The following MEF2C variants were observed in gnomAD, a reference collection of about 807,000 sequenced individuals.
MEF2C encodes the protein myocyte-specific enhancer factor 2C.
Under a neutral mutation model 50.5 loss-of-function variants are expected in MEF2C, and 6 were observed. That is an observed-to-expected ratio of 0.12 (90% CI 0.07 to 0.23). MEF2C has a LOEUF of 0.23. MEF2C is among the 10% of genes least tolerant of loss of function. The pLI, the probability that MEF2C is intolerant of heterozygous loss-of-function variation, is 1.00. For missense variants in MEF2C, 276 were observed against 605.0 expected, an observed-to-expected ratio of 0.46 and a Z score of 5.70; for synonymous variants, 183 against 228.0, an observed-to-expected ratio of 0.80 and a Z score of 1.78.
At chr5:88,737,264 A>G (rs1267644243) in intron 6 of MEF2C, 2 of 985,266 alleles carry the variant, frequency 2.0e-6, no homozygotes, top group African/African-American at 3.5e-5. Context: ...CAAGTACACT[A>G]TTGAGACAAA....
At position 88,730,254 on chromosome 5, in the gene MEF2C, G is replaced by T. The variant is rs1436733096; in HGVS notation, c.811-20C>A. On this transcript the variant is annotated intron_variant, in intron 7 of 10. Transcript: ENST00000504921. ...CTCAGACTGAGAGCATGCGGAAGGA[G>T]TTTTATTAATTAGTGTCCGTAAATA... 3.2e-6 allele frequency: 5 copies of T among 1,567,170 alleles called. No homozygotes were observed. In the South Asian group the frequency reaches 5.9e-5, roughly 18 times the overall value.
At chr5:88,798,345 C>CT (rs1163196301) in intron 3 of MEF2C, among the ~76,000 whole-genome samples, 1 of 151,958 alleles carries the variant, frequency 6.6e-6, no homozygotes, top group Non-Finnish European at 1.5e-5. Flanking sequence ...CCTTTTCATT[C>CT]TTTTTTCTCT....
chr5:88,853,830 G>A (rs1028584257), intron 1 of MEF2C, among the ~76,000 whole-genome samples: 1 of 152,182 alleles, frequency 6.6e-6, no homozygotes, highest in African/African-American at 2.4e-5. Context: ...TTACATGAAT[G>A]CTTTGGATAA....
intron 1 of MEF2C, among the ~76,000 whole-genome samples, chr5:88,826,247 G>A (rs894102818): frequency 1.3e-5 from 2 of 151,978 alleles, no homozygotes; most frequent in African/African-American, 2.4e-5. Flanking sequence ...TATATAAGTG[G>A]TTGATAAAAA....
intron 9 of MEF2C, among the ~76,000 whole-genome samples, 161 bp downstream of exon 9, chr5:88,729,057 G>A (rs943754363): frequency 1.3e-5 from 2 of 152,150 alleles, no homozygotes; most frequent in East Asian, 3.8e-4. Flanking sequence ...AGAAAAATGT[G>A]GATATTCACT....
At chr5:88,765,053 A>T (rs1779449643) in intron 3 of MEF2C, among the ~76,000 whole-genome samples, 1 of 152,160 alleles carries the variant, frequency 6.6e-6, no homozygotes, top group African/African-American at 2.4e-5. Context: ...GGTGGCATGG[A>T]GTCACAAAGG....
chr5:88,730,154 C>T, intron 8 of MEF2C, 57 bp downstream of exon 8: 1 of 1,541,774 alleles, frequency 6.5e-7, no homozygotes, highest in Non-Finnish European at 8.8e-7. Context: ...AAGCTACCAC[C>T]TCTACCTAAA....
chr5:88,755,584 A>T (rs1446934414), intron 4 of MEF2C, among the ~76,000 whole-genome samples: 1 of 152,234 alleles, frequency 6.6e-6, no homozygotes, highest in Non-Finnish European at 1.5e-5. Flanking sequence ...GGAGTGTCTC[A>T]GGTTTTAGGA....
chr5:88,722,584 A>AG lies in MEF2C; in HGVS notation c.*19_*20insC, dbSNP rs776846169. ...CACACACTGCAAGAAAAAAAAAAAA[A>AG]CTAGTAAGTAATAATCTGATCATGT... On this transcript the variant is annotated 3_prime_UTR_variant, in exon 11 of 11. Transcript: ENST00000504921. The AG allele has an allele frequency of 6.3e-7, 1 of 1,574,998 alleles. No individual in the cohort carries two copies. Among genetic ancestry groups the AG allele is most frequent in the Admixed American group, 1.9e-5 (1 of 53,078 alleles).
chr5:88,797,695 A>G (rs1339840859), intron 3 of MEF2C, among the ~76,000 whole-genome samples: 1 of 152,058 alleles, frequency 6.6e-6, no homozygotes, highest in Non-Finnish European at 1.5e-5. Context: ...TTATCATGCC[A>G]GCTGGTTATT....
intron 6 of MEF2C, chr5:88,733,569 A>G (rs1762575943): frequency 2.0e-6 from 2 of 985,286 alleles, no homozygotes; most frequent in Admixed American, 6.2e-5. Context: ...GGGAAGGCAG[A>G]GCAAAGGTAT....
At chr5:88,768,835 T>G (rs1179910579) in intron 3 of MEF2C, 1 of 287,976 alleles carries the variant, frequency 3.5e-6, no homozygotes, top group Non-Finnish European at 5.2e-6. Context: ...ATTTACTACT[T>G]TTTGAAATGT....
chr5:88,879,424 A>G (rs1042130401), intron 1 of MEF2C, among the ~76,000 whole-genome samples: 35 of 151,026 alleles, frequency 2.3e-4, no homozygotes, highest in African/African-American at 8.0e-4. Context: ...TTTTATGAAG[A>G]TATGTTTCAC....
At position 88,749,132 on chromosome 5, in the gene MEF2C, G is replaced by C. The variant is rs951146688; in HGVS notation, c.590-15C>G. ...CATCAGACCACCTATGGATTAAAGA[G>C]GAAGATCAAAACGAGAAAGGCTAAA... On this transcript the variant is annotated splice_polypyrimidine_tract_variant and intron_variant, in intron 5 of 10. Coordinates refer to ENST00000504921, the MANE Select transcript of MEF2C (RefSeq NM_002397.5). 4 of 1,557,468 alleles carry C rather than the reference G, an allele frequency of 2.6e-6. No homozygotes were observed. The African/African-American group carries it at 4.1e-5, about 16-fold the overall frequency.
At chr5:88,845,549 C>A (rs369314680) in intron 1 of MEF2C, among the ~76,000 whole-genome samples, 3 of 152,294 alleles carry the variant, frequency 2.0e-5, no homozygotes, top group East Asian at 3.8e-4. Flanking sequence ...TTGTCATGAT[C>A]TTTTCCATTC....
intron 1 of MEF2C, among the ~76,000 whole-genome samples, chr5:88,850,020 T>C (rs529404961): frequency 2.6e-5 from 4 of 152,168 alleles, no homozygotes; most frequent in Non-Finnish European, 5.9e-5. Context: ...TGTGCCATGT[T>C]GGTGTGCTGC....
At chr5:88,813,316 G>A (rs987915614) in intron 2 of MEF2C, among the ~76,000 whole-genome samples, 4 of 152,104 alleles carry the variant, frequency 2.6e-5, no homozygotes, top group Admixed American at 2.6e-4. Flanking sequence ...GATTTACACA[G>A]GCAATGTAAA....
chr5:88,777,178 G>A (rs1785172909), intron 3 of MEF2C, among the ~76,000 whole-genome samples: 1 of 152,080 alleles, frequency 6.6e-6, no homozygotes, highest in Admixed American at 6.6e-5. Flanking sequence ...TCTTCATTAG[G>A]TAATTATAAA....
rs567714496 is a variant in MEF2C, at chr5:88,832,488, G to A, written c.-142-8558C>T. Among the ~76,000 whole-genome samples, 64 of 152,072 alleles carry A rather than the reference G, an allele frequency of 4.2e-4. 1 individual carries two copies. The highest frequency in any genetic ancestry group is 6.8e-3 in the Middle Eastern group (2 of 294). ...TATGCCCAATTGTAAGTTCTGTAAT[G>A]ATGTTCCCAGGCCTTCCTACAAGCG... On this transcript the variant is annotated intron_variant, in intron 1 of 10. Coordinates refer to ENST00000504921, the MANE Select transcript of MEF2C (RefSeq NM_002397.5).
Sources: allele counts gnomAD v4.1 joint callset (sites outside exome capture counted in the v4.1 genomes callset), GRCh38; gene constraint gnomAD v4.1.1; transcripts MANE v1.5; gene names NCBI Gene and HGNC (gene_info 2026-07-23, HGNC 2026-07-21).